SNX29: variants seen among roughly 807,000 people sequenced by gnomAD.
The protein encoded by SNX29 is sorting nexin 29, also known as sorting nexin-29.
In SNX29, 78 loss-of-function variants were observed where a neutral mutation model predicts 102.1. The observed-to-expected ratio is 0.76, with a 90% CI of 0.64 to 0.92. The LOEUF is 0.92. Among genes scored for constraint, SNX29 ranks in the 40% least tolerant of loss-of-function variants. The probability of loss-of-function intolerance (pLI) is 0.00; values close to 1 mark genes in which losing one functional copy is unlikely to be tolerated. For synonymous variants in SNX29, 580 were observed against 414.5 expected, an observed-to-expected ratio of 1.40 and a Z score of -4.85; for missense variants, 1,280 against 1,061.7, an observed-to-expected ratio of 1.21 and a Z score of -2.86.
At chr16:12,554,333 C>CTT (rs1251907681) in intron 20 of SNX29, among the ~76,000 whole-genome samples, 1 of 151,920 alleles carries the variant, frequency 6.6e-6, no homozygotes. Flanking sequence ...GACCAGATGT[C>CTT]TTTTGTTCTG....
At chr16:12,431,343 G>A (rs987180528) in intron 18 of SNX29, among the ~76,000 whole-genome samples, 9 of 151,964 alleles carry the variant, frequency 5.9e-5, no homozygotes, top group African/African-American at 2.2e-4. Flanking sequence ...CAGCCCCAGG[G>A]GTCTGTGAGG....
At chr16:12,193,699 A>G (rs2076701687) in intron 13 of SNX29, among the ~76,000 whole-genome samples, 1 of 151,764 alleles carries the variant, frequency 6.6e-6, no homozygotes, top group South Asian at 2.1e-4. Context: ...GTTGAAGTTT[A>G]TTTTTTTTGC....
At chr16:12,290,278 T>C (rs1417859653) in intron 15 of SNX29, among the ~76,000 whole-genome samples, 1 of 152,226 alleles carries the variant, frequency 6.6e-6, no homozygotes, top group East Asian at 1.9e-4. Context: ...CAAATGCACG[T>C]GTTCTCACTG....
intron 18 of SNX29, among the ~76,000 whole-genome samples, chr16:12,442,809 G>T (rs1424791179): frequency 1.3e-5 from 2 of 151,986 alleles, no homozygotes; most frequent in African/African-American, 4.8e-5. Context: ...GCCCAGGCTG[G>T]TCTCCAACTC....
intron 1 of SNX29, chr16:11,977,043 A>G: frequency 6.8e-6 from 3 of 441,532 alleles, no homozygotes; most frequent in African/African-American, 2.0e-5. Flanking sequence ...ACTCCTGTCC[A>G]TCCATAAAAA....
chr16:12,562,432 C>G (rs140183540), intron 20 of SNX29, among the ~76,000 whole-genome samples: 3 of 152,184 alleles, frequency 2.0e-5, no homozygotes, highest in Non-Finnish European at 2.9e-5. Context: ...AAAGTGCACA[C>G]AGCTTGCTAG....
At chr16:12,019,271 T>C (rs1375932804) in intron 3 of SNX29, among the ~76,000 whole-genome samples, 20 of 151,790 alleles carry the variant, frequency 1.3e-4, no homozygotes, top group Non-Finnish European at 2.9e-4. Flanking sequence ...GCAGTGGCAC[T>C]ATCTCGGCTC....
At chr16:12,555,825 A>T (rs139933164) in intron 20 of SNX29, among the ~76,000 whole-genome samples, 1 of 152,186 alleles carries the variant, frequency 6.6e-6, no homozygotes, top group Non-Finnish European at 1.5e-5. Context: ...AAGGTGCTCC[A>T]GCTGACTGAC....
intron 13 of SNX29, among the ~76,000 whole-genome samples, chr16:12,196,468 C>T (rs1052548381): frequency 2.0e-5 from 3 of 152,140 alleles, no homozygotes; most frequent in Admixed American, 1.3e-4. Context: ...GAATGAGGCA[C>T]AGCTTTTACC....
chr16:12,337,257 A>T (rs548643889), intron 15 of SNX29, among the ~76,000 whole-genome samples: 6 of 148,024 alleles, frequency 4.1e-5, no homozygotes, highest in Admixed American at 1.3e-4. Context: ...AGGTATATTA[A>T]TTTTTTTTTT....
At chr16:12,514,987 A>C (rs2089801618) in intron 19 of SNX29, among the ~76,000 whole-genome samples, 1 of 152,224 alleles carries the variant, frequency 6.6e-6, no homozygotes. Flanking sequence ...TGCTGAGAAT[A>C]AATGAAATGA....
chr16:12,070,457 C>T (rs1018905950), intron 10 of SNX29, among the ~76,000 whole-genome samples: 14 of 151,082 alleles, frequency 9.3e-5, no homozygotes, highest in Middle Eastern at 6.8e-3. Flanking sequence ...GATAGTTTAC[C>T]GAGAATGATG....
intron 20 of SNX29, among the ~76,000 whole-genome samples, chr16:12,551,563 A>T (rs1597948286): frequency 6.6e-6 from 1 of 152,338 alleles, no homozygotes; most frequent in South Asian, 2.1e-4. Flanking sequence ...CAAAGTTGAG[A>T]AGCCCTGCTT....
intron 11 of SNX29, among the ~76,000 whole-genome samples, chr16:12,110,771 GTGGTGGC>G (rs1432647637): frequency 7.9e-5 from 12 of 152,154 alleles, no homozygotes; most frequent in Admixed American, 7.9e-4. Flanking sequence ...TTAAGACAGT[GTGGTGGC>G]CTGAGGAAAC....
intron 15 of SNX29, among the ~76,000 whole-genome samples, chr16:12,330,249 C>T (rs945616552): frequency 1.4e-4 from 22 of 152,106 alleles, no homozygotes; most frequent in African/African-American, 4.8e-4. Context: ...CCTCTCTGTG[C>T]CTGTTTCCTC....
intron 20 of SNX29, among the ~76,000 whole-genome samples, chr16:12,552,630 C>G (rs953462803): frequency 2.6e-5 from 4 of 152,148 alleles, no homozygotes; most frequent in Middle Eastern, 3.4e-3. Context: ...AAACCAAACA[C>G]CAAACAAATG....
chr16:12,170,908 T>C (rs1164808449), intron 13 of SNX29, among the ~76,000 whole-genome samples: 2 of 151,868 alleles, frequency 1.3e-5, no homozygotes. Flanking sequence ...CCGGAGGCCC[T>C]GATGGCTGGA....
Position 12,545,217 on chromosome 16 carries a change from C to T in SNX29, c.2318+20376C>T, listed in dbSNP as rs578102764. Among the ~76,000 whole-genome samples, 7 of 152,304 alleles carry T rather than the reference C, an allele frequency of 4.6e-5. No individual in the cohort carries two copies. The South Asian group carries it at 1.2e-3, about 27-fold the overall frequency. On this transcript the variant is annotated intron_variant, in intron 20 of 20. Coordinates refer to ENST00000566228, the MANE Select transcript of SNX29 (RefSeq NM_032167.5). ...ACAAAAAAGGAAGGGGTGGGGCAGG[C>T]AATGACAGGGAAAGGGCCTCTGTTC... is the stretch of plus-strand genomic sequence containing the variant.
intron 20 of SNX29, among the ~76,000 whole-genome samples, chr16:12,564,509 C>G (rs994601065): frequency 6.6e-6 from 1 of 152,218 alleles, no homozygotes; most frequent in Non-Finnish European, 1.5e-5. Flanking sequence ...ACAGAAGGAA[C>G]TCAAGTTTTC....
Sources: gnomAD v4.1 joint callset for allele counts (sites outside exome capture counted in the v4.1 genomes callset) on GRCh38, gnomAD v4.1.1 for gene constraint, MANE v1.5 for transcripts, NCBI Gene and HGNC (gene_info 2026-07-23, HGNC 2026-07-21) for gene names.